GFI1B: variants seen among roughly 807,000 people sequenced by gnomAD.
GFI1B encodes the protein growth factor independent 1B transcriptional repressor.
A neutral mutation model predicts 35.3 loss-of-function variants in GFI1B; 20 were observed. The observed-to-expected ratio is 0.57, with a 90% CI of 0.40 to 0.82. The LOEUF is 0.82. GFI1B is among the 40% of genes least tolerant of loss of function. GFI1B has a pLI of 0.00. For missense variants in GFI1B, 430 were observed against 446.3 expected (o/e 0.96, Z 0.33); for synonymous variants, 178 against 177.6 (o/e 1.00, Z -0.02).
At chr9:132,969,938 G>A (rs573357875) in intron 1 of GFI1B, among the ~76,000 whole-genome samples, 25 of 152,202 alleles carry the variant, frequency 1.6e-4, no homozygotes, top group Middle Eastern at 3.4e-3. Context: ...CTCCGAAGGC[G>A]GCCGGTACAT....
intron 1 of GFI1B, among the ~76,000 whole-genome samples, chr9:132,983,290 G>T (rs653991): frequency 1.4e-5 from 2 of 144,908 alleles, no homozygotes; most frequent in Non-Finnish European, 3.0e-5. Context: ...TCCGCCTCCC[G>T]GGTTCAAGCG....
intron 1 of GFI1B, among the ~76,000 whole-genome samples, chr9:132,963,087 A>AG (rs1227438203): frequency 6.6e-6 from 1 of 151,070 alleles, no homozygotes; most frequent in African/African-American, 2.4e-5. Context: ...ATCTCAAAAA[A>AG]AAAAAAAAAA....
At chr9:132,960,746 C>T (rs979777063) in intron 1 of GFI1B, among the ~76,000 whole-genome samples, 3 of 151,926 alleles carry the variant, frequency 2.0e-5, no homozygotes, top group African/African-American at 7.3e-5. Flanking sequence ...AAGAGATCCT[C>T]CCACCTCAGT....
chr9:132,951,688 C>G (rs188028873), intron 1 of GFI1B: 1 of 152,346 alleles, frequency 6.6e-6, no homozygotes, highest in African/African-American at 2.4e-5. Context: ...GCTGAAGGCT[C>G]TCTCTGCTGT....
intron 1 of GFI1B, among the ~76,000 whole-genome samples, chr9:132,985,496 C>T (rs1849013298): frequency 6.6e-6 from 1 of 152,146 alleles, no homozygotes. Context: ...CCTCTCAGGT[C>T]TTGAGTCCCC....
At chr9:132,964,530 C>T (rs754795855) in intron 1 of GFI1B, among the ~76,000 whole-genome samples, 2 of 152,088 alleles carry the variant, frequency 1.3e-5, no homozygotes, top group African/African-American at 2.4e-5. Flanking sequence ...CCATGACGGG[C>T]GGGTTCTCAT....
intron 1 of GFI1B, chr9:132,962,744 A>T (rs1848386284): frequency 2.5e-6 from 1 of 398,960 alleles, no homozygotes; most frequent in Non-Finnish European, 4.8e-6. Flanking sequence ...TGAAAATGTC[A>T]CCATATCTGG....
downstream of GFI1B, among the ~76,000 whole-genome samples, chr9:132,993,163 G>A (rs571052752): frequency 3.9e-5 from 6 of 152,254 alleles, no homozygotes; most frequent in East Asian, 3.9e-4. Context: ...GCATGGTGGC[G>A]CGTGCCTGTA....
upstream of GFI1B, among the ~76,000 whole-genome samples, chr9:132,973,902 G>A (rs1170099888): frequency 1.3e-5 from 2 of 152,188 alleles, no homozygotes; most frequent in African/African-American, 4.8e-5. Flanking sequence ...GCCAATGAGA[G>A]GCCCATATCC....
intron 1 of GFI1B, among the ~76,000 whole-genome samples, chr9:132,983,872 C>T (rs1020559961): frequency 6.6e-6 from 1 of 152,236 alleles, no homozygotes; most frequent in Non-Finnish European, 1.5e-5. Context: ...AGGCCTGGGG[C>T]CAGACAGACC....
chr9:132,967,362 A>G (rs1848464837), intron 1 of GFI1B, among the ~76,000 whole-genome samples: 1 of 152,214 alleles, frequency 6.6e-6, no homozygotes, highest in Non-Finnish European at 1.5e-5. Context: ...ATGACAAAAC[A>G]ATGAGAAAAT....
chr9:132,987,331 C>T lies in GFI1B; in HGVS notation c.150C>T (p.Phe50=), dbSNP rs763578078. The stretch of plus-strand genomic sequence containing the variant: ...ACAGCCCTGTCCTTAGCACTCTATT[C>T]CCAAACCAGTGCCTGGACTGGACCA... The part of the protein sequence containing the change: ...PSNSPVLSTL[F]PNQCLDWTNL... The change falls in exon 3 of 7, where the codon TTC becomes TTT. Residue 50 remains phenylalanine (F), a synonymous_variant. Transcript: ENST00000372122. The T allele has an allele frequency of 1.2e-6, 2 of 1,614,202 alleles. No homozygotes were observed. The highest frequency in any genetic ancestry group is 1.7e-5 in the Admixed American group (1 of 60,026).
rs1849184690 is a variant in GFI1B, at chr9:132,989,026, C to G, written c.511-35C>G. 1 of 1,609,078 alleles carries G rather than the reference C, an allele frequency of 6.2e-7. No individual in the cohort carries two copies. The highest frequency in any genetic ancestry group is 8.5e-7 in the Non-Finnish European group (1 of 1,175,698). Reference sequence around the variant, plus strand: ...CCCAGGCCTGTCCCTGTCACCGCAGCCCCCAGTGGCCTCACATGCTGCCCC... The same window carrying G: ...CCCAGGCCTGTCCCTGTCACCGCAGGCCCCAGTGGCCTCACATGCTGCCCC... On this transcript the variant is annotated intron_variant, in intron 4 of 6. Transcript: ENST00000372122. This position sits in a 1 kb window ranked among gnomAD's most constrained non-coding sequence, Gnocchi z 6.2.
intron 1 of GFI1B, among the ~76,000 whole-genome samples, chr9:132,971,992 G>A (rs1848539468): frequency 7.7e-6 from 1 of 129,726 alleles, no homozygotes; most frequent in Non-Finnish European, 1.7e-5. Context: ...AAAAAAAATT[G>A]GGTTGGGTGT....
intron 1 of GFI1B, among the ~76,000 whole-genome samples, chr9:132,969,596 G>A (rs1215348143): frequency 1.3e-5 from 2 of 152,162 alleles, no homozygotes; most frequent in East Asian, 1.9e-4. Flanking sequence ...CTGTGAACAC[G>A]GGTGTGCAAA....
At chr9:132,974,364 G>A (rs746697104), upstream of GFI1B, among the ~76,000 whole-genome samples, 9 of 152,066 alleles carry the variant, frequency 5.9e-5, no homozygotes, top group African/African-American at 9.7e-5. Flanking sequence ...TTGGGAGGCC[G>A]AGGCAGGCAA....
intron 1 of GFI1B, among the ~76,000 whole-genome samples, chr9:132,948,225 T>C (rs1308081479): frequency 8.6e-5 from 13 of 152,028 alleles, no homozygotes; most frequent in Non-Finnish European, 1.5e-5. Context: ...TTCTCTTTCC[T>C]TTGGGGTCAC....
At position 132,989,517 on chromosome 9, in the gene GFI1B, T is replaced by C. The variant is rs1050056099; in HGVS notation, c.649-225T>C. On this transcript the variant is annotated intron_variant, in intron 5 of 6. Coordinates refer to ENST00000372122, the MANE Select transcript of GFI1B (RefSeq NM_001377304.1). This position sits in a 1 kb window ranked among gnomAD's most constrained non-coding sequence, Gnocchi z 6.2. ...CCATCAGTCAATCAACGAACATTTA[T>C]TGAGGTTTATTTTGAGCGGGATACC... 3.3e-6 allele frequency: 2 copies of C among 602,524 alleles called. No individual in the cohort carries two copies. The highest frequency in any genetic ancestry group is 1.9e-5 in the African/African-American group (1 of 54,014). The allele number at this position is 602,524 out of a possible 1,614,324, so 37.3% of individuals were successfully genotyped here.
Position 132,988,464 on chromosome 9 carries a change from A to G in GFI1B, c.506A>G (p.Asn169Ser). ...GMDAYHCVKC[N>S]KVFSTPHGLE... The stretch of plus-strand genomic sequence containing the variant: ...GATGCGTACCACTGTGTGAAGTGCA[A>G]CAAGGTGGGCAGCGGGGGGTGTGGT... The change falls in exon 4 of 7, where the codon AAC becomes AGC. Residue 169 changes from asparagine (N) to serine (S), a missense_variant. Physicochemically the swap from Asn to Ser is conservative, Grantham distance 46. Transcript: ENST00000372122. 2.5e-6 allele frequency: 4 copies of G among 1,613,468 alleles called. No homozygotes were observed. The highest frequency in any genetic ancestry group is 2.2e-5 in the South Asian group (2 of 91,080).
Sources: allele counts gnomAD v4.1 joint callset (sites outside exome capture counted in the v4.1 genomes callset), GRCh38; gene constraint gnomAD v4.1.1; non-coding constraint Gnocchi (gnomAD v3.1); transcripts MANE v1.5; gene names NCBI Gene and HGNC (gene_info 2026-07-23, HGNC 2026-07-21).